The following CCBE1 variants were observed in gnomAD, a reference collection of about 807,000 sequenced individuals.
The protein encoded by CCBE1 is collagen and calcium-binding EGF domain-containing protein 1.
A neutral mutation model predicts 50.0 loss-of-function variants in CCBE1; 37 were observed. That is an observed-to-expected ratio of 0.74 (90% CI 0.57 to 0.97). CCBE1 has a LOEUF of 0.97. Among genes scored for constraint, CCBE1 ranks in the 50% least tolerant of loss-of-function variants. CCBE1 has a pLI of 0.00. For synonymous variants in CCBE1, 234 were observed against 203.7 expected (o/e 1.15, Z -1.27); for missense variants, 538 against 523.8 (o/e 1.03, Z -0.26).
At chr18:59,612,795 G>T (rs2053588629) in intron 2 of CCBE1, among the ~76,000 whole-genome samples, 1 of 146,524 alleles carries the variant, frequency 6.8e-6, no homozygotes, top group East Asian at 2.2e-4. Flanking sequence ...GTAGGGAAAA[G>T]AACTCAGCCA....
chr18:59,587,436 C>T (rs142559912), intron 2 of CCBE1, among the ~76,000 whole-genome samples: 126 of 151,948 alleles, frequency 8.3e-4, no homozygotes, highest in African/African-American at 2.9e-3. Flanking sequence ...ATTCAACAGT[C>T]ATGTATGAAA....
chr18:59,601,010 GTTTTTTTTTTTTT>G lies in CCBE1; in HGVS notation c.212+95606_212+95618del, dbSNP rs71177045. Among the ~76,000 whole-genome samples the G allele has an allele frequency of 6.6e-3, 380 of 57,980 alleles. 2 individuals carry two copies. Among genetic ancestry groups the G allele is most frequent in the East Asian group, 0.03 (54 of 1,800 alleles). 38.0% of individuals were successfully genotyped at this position (57,980 alleles called of 152,430 possible). A position where few individuals can be genotyped will look rare whatever the true frequency, so the allele number is the denominator to read the frequency against. ...GATCTATTTTATTAGCTATGTGTCA[GTTTTTTTTTTTTT>G]TTTTTTTTTTTTTTTTTTTTTTTTG... On this transcript the variant is annotated intron_variant, in intron 2 of 10. Transcript: ENST00000439986.
chr18:59,522,864 C>T (rs1156706953), intron 2 of CCBE1, among the ~76,000 whole-genome samples: 2 of 151,582 alleles, frequency 1.3e-5, no homozygotes, highest in South Asian at 2.1e-4. Flanking sequence ...TGGTGGCGGG[C>T]GCCTGTAGTC....
At chr18:59,471,093 C>T (rs975569652) in intron 3 of CCBE1, among the ~76,000 whole-genome samples, 1 of 152,220 alleles carries the variant, frequency 6.6e-6, no homozygotes, top group African/African-American at 2.4e-5. Context: ...GCATGACTGG[C>T]TCTGAGCTTC....
At chr18:59,468,106 G>A (rs1464533329) in intron 4 of CCBE1, among the ~76,000 whole-genome samples, 2 of 152,218 alleles carry the variant, frequency 1.3e-5, no homozygotes. Context: ...AAGAACAGGG[G>A]GCTGGGTGCG....
At chr18:59,648,302 T>C (rs1371042612) in intron 2 of CCBE1, among the ~76,000 whole-genome samples, 1 of 152,214 alleles carries the variant, frequency 6.6e-6, no homozygotes, top group Admixed American at 6.5e-5. Context: ...TAGTTTGTTT[T>C]AAAGACCTGG....
intron 2 of CCBE1, among the ~76,000 whole-genome samples, chr18:59,506,786 T>A (rs1913893991): frequency 6.6e-6 from 1 of 152,350 alleles, no homozygotes; most frequent in South Asian, 2.1e-4. Flanking sequence ...TCTATCTGGA[T>A]GGAGCAAACA....
intron 7 of CCBE1, among the ~76,000 whole-genome samples, chr18:59,445,705 A>G (rs1910639381): frequency 6.6e-6 from 1 of 152,192 alleles, no homozygotes; most frequent in Non-Finnish European, 1.5e-5. Context: ...GAGTTTGGGA[A>G]GGGTGCCAGA....
chr18:59,453,938 A>C (rs1165855462), intron 6 of CCBE1, among the ~76,000 whole-genome samples: 1 of 152,112 alleles, frequency 6.6e-6, no homozygotes, highest in Non-Finnish European at 1.5e-5. Context: ...TGTTACTAGA[A>C]ATCTGCTATA....
intron 2 of CCBE1, among the ~76,000 whole-genome samples, chr18:59,562,329 T>C (rs2052751503): frequency 6.6e-6 from 1 of 152,088 alleles, no homozygotes; most frequent in South Asian, 2.1e-4. Context: ...GATTATTAAC[T>C]AAGAAATTTA....
chr18:59,647,897 C>G (rs191154928), intron 2 of CCBE1, among the ~76,000 whole-genome samples: 52 of 152,286 alleles, frequency 3.4e-4, no homozygotes, highest in African/African-American at 1.3e-3. Context: ...GGGAGACACA[C>G]AGAGACAGTA....
chr18:59,447,514 T>C (rs1910732221), intron 7 of CCBE1, among the ~76,000 whole-genome samples: 1 of 152,124 alleles, frequency 6.6e-6, no homozygotes, highest in Non-Finnish European at 1.5e-5. Flanking sequence ...TAGCTAGGTA[T>C]AAAAATAAAT....
intron 2 of CCBE1, among the ~76,000 whole-genome samples, chr18:59,486,519 A>G (rs752442429): frequency 2.0e-5 from 3 of 152,220 alleles, no homozygotes; most frequent in Non-Finnish European, 2.9e-5. Context: ...CCCACACCCT[A>G]TGGATTTAGG....
intron 3 of CCBE1, among the ~76,000 whole-genome samples, chr18:59,479,636 G>C (rs1369651426): frequency 6.6e-6 from 1 of 152,176 alleles, no homozygotes; most frequent in African/African-American, 2.4e-5. Context: ...CTATTAGTAG[G>C]ACATAGAAGC....
chr18:59,573,626 A>G lies in CCBE1; in HGVS notation c.213-93388T>C, dbSNP rs368102869. Among the ~76,000 whole-genome samples, 12 of 151,838 alleles carry G rather than the reference A, an allele frequency of 7.9e-5. No homozygotes were observed. The East Asian group carries it at 1.9e-3, about 24-fold the overall frequency. On this transcript the variant is annotated intron_variant, in intron 2 of 10. Transcript: ENST00000439986. ...ATTCACACTCTTTTCTCACCATTTT[A>G]GTTGAAATAACTTGGTTCAAAGTGC...
At chr18:59,482,081 T>A (rs1217957052) in intron 2 of CCBE1, among the ~76,000 whole-genome samples, 1 of 152,198 alleles carries the variant, frequency 6.6e-6, no homozygotes, top group African/African-American at 2.4e-5. Flanking sequence ...CAGTGTATGA[T>A]GTTCCTGTCC....
At chr18:59,647,600 A>G (rs1280234200) in intron 2 of CCBE1, among the ~76,000 whole-genome samples, 1 of 152,176 alleles carries the variant, frequency 6.6e-6, no homozygotes, top group African/African-American at 2.4e-5. Flanking sequence ...TATTCTGTCT[A>G]GTTCGTATAA....
chr18:59,618,141 CA>C (rs1486427680), intron 2 of CCBE1, among the ~76,000 whole-genome samples: 3 of 152,026 alleles, frequency 2.0e-5, no homozygotes, highest in Admixed American at 6.5e-5. Flanking sequence ...GGGTGGTTTC[CA>C]GGCACTTTCA....
chr18:59,476,213 A>G (rs1912298745), intron 3 of CCBE1, among the ~76,000 whole-genome samples: 1 of 152,162 alleles, frequency 6.6e-6, no homozygotes, highest in African/African-American at 2.4e-5. Context: ...TTTTATGAAG[A>G]TTAAATTGGA....
Sources: allele counts gnomAD v4.1 joint callset (sites outside exome capture counted in the v4.1 genomes callset), GRCh38; gene constraint gnomAD v4.1.1; transcripts MANE v1.5; gene names NCBI Gene and HGNC (gene_info 2026-07-23, HGNC 2026-07-21).